The following VWF variants were observed in gnomAD, a reference collection of about 807,000 sequenced individuals.
VWF encodes Factor VIII related antigen.
VWF carries 176 observed loss-of-function variants against 308.6 expected under a neutral mutation model. The observed-to-expected ratio is 0.57, with a 90% CI of 0.50 to 0.65. The LOEUF is 0.65. VWF is among the 30% of genes least tolerant of loss of function. The probability of loss-of-function intolerance (pLI) is 0.00; values close to 1 mark genes in which losing one functional copy is unlikely to be tolerated. For missense variants in VWF, 3,146 were observed against 3,648.2 expected (o/e 0.86, Z 3.55); for synonymous variants, 1,385 against 1,443.4 (o/e 0.96, Z 0.92).
chr12:6,071,342 T>C lies in VWF; in HGVS notation c.1111A>G (p.Ile371Val), dbSNP rs1472685902. ...TSLSRDCNTC[I>V]CRNSQWICSN... ...CAGATCCACTGGCTGTTTCGGCAAA[T>C]GCTGTTGGAGGGAAAAAGCACAGGT... The change falls in exon 10 of 52, where the codon ATT becomes GTT. Residue 371 changes from isoleucine to valine, a missense_variant and splice_region_variant. By Grantham distance (29) the Ile-to-Val change is conservative. This residue lies in a region of VWF where 1,304 missense variants were observed against 1,353.0 expected (regional missense o/e 0.96). Coordinates refer to ENST00000261405, the MANE Select transcript of VWF (RefSeq NM_000552.5). 23 of 1,614,136 alleles carry C rather than the reference T, an allele frequency of 1.4e-5. No individual in the cohort carries two copies. Among genetic ancestry groups the C allele is most frequent in the Non-Finnish European group, 1.9e-5 (23 of 1,180,014 alleles).
chr12:6,045,715 T>C (rs1218363479), intron 17 of VWF, among the ~76,000 whole-genome samples: 1 of 152,164 alleles, frequency 6.6e-6, no homozygotes, highest in Non-Finnish European at 1.5e-5. Flanking sequence ...CTGGGTCCCT[T>C]GGACAGAAGG....
At position 6,056,953 on chromosome 12, in the gene VWF, C is replaced by G. The variant is rs1335888900; in HGVS notation, c.1849G>C (p.Asp617His). 1.6e-5 allele frequency: 24 copies of G among 1,538,340 alleles called. No individual in the cohort carries two copies. Among genetic ancestry groups the G allele is most frequent in the African/African-American group, 6.9e-5 (5 of 72,986 alleles). ...GCGCCGCACAGGCACTCGCGGCCGT[C>G]CGAGCAGGAGCACACGTCGTAGCGG... The part of the protein sequence containing the change: ...NCRYDVCSCS[D>H]GRECLCGALA... Residue 617 changes from aspartate to histidine, a missense_variant, in exon 15 of 52, where the codon GAC becomes CAC. Coordinates refer to ENST00000261405, the MANE Select transcript of VWF (RefSeq NM_000552.5).
In VWF at chr12:6,041,441, T is replaced by TA. The variant is rs777198524; in HGVS notation, c.2442+2849dup. ...CAAAACTCCGTCTCAAAAAAATTTT[T>TA]AAAAAAAAAAGAAATTTTTTTTTTT... On this transcript the variant is annotated intron_variant, in intron 18 of 51. Transcript: ENST00000261405. Among the ~76,000 whole-genome samples, 6 of 149,246 alleles carry TA rather than the reference T, an allele frequency of 4.0e-5. No homozygotes were observed. In the East Asian group the frequency reaches 6.0e-4, roughly 15 times the overall value.
chr12:6,058,390 A>G lies in VWF; in HGVS notation c.1534-346T>C, dbSNP rs548105954. On this transcript the variant is annotated intron_variant, in intron 13 of 51. Coordinates refer to ENST00000261405, the MANE Select transcript of VWF (RefSeq NM_000552.5). This position sits in a 1 kb window ranked among gnomAD's most constrained non-coding sequence, Gnocchi z 4.9. ...AGGTAGTGGCGGAGCTAGGGTGAGTAGGCAGGTTGAGCCCAGCCCGAAGCA... is the reference window on the plus strand; with the variant it reads ...AGGTAGTGGCGGAGCTAGGGTGAGTGGGCAGGTTGAGCCCAGCCCGAAGCA... Among the ~76,000 whole-genome samples, 80 of 152,304 alleles carry G rather than the reference A, an allele frequency of 5.3e-4. No homozygotes were observed. Among genetic ancestry groups the G allele is most frequent in the Admixed American group, 2.0e-3 (31 of 15,302 alleles).
At chr12:5,976,370 T>G in intron 42 of VWF, 110 bp from the exon 43 acceptor site, 1 of 1,422,768 alleles carries the variant, frequency 7.0e-7, no homozygotes, top group Non-Finnish European at 9.8e-7. Context: ...TGGCAATAAA[T>G]AAAACCAAAT....
intron 20 of VWF, among the ~76,000 whole-genome samples, chr12:6,033,786 T>C (rs747295490): frequency 3.3e-5 from 5 of 152,206 alleles, no homozygotes; most frequent in Non-Finnish European, 7.3e-5. Context: ...GCTGCCTGAC[T>C]CACCAGCTCC....
chr12:6,087,826 G>T (rs1024896561), intron 6 of VWF, among the ~76,000 whole-genome samples: 2 of 152,110 alleles, frequency 1.3e-5, no homozygotes, highest in Admixed American at 6.6e-5. Flanking sequence ...TTGATGAAAA[G>T]AAATTTCTTC....
chr12:6,077,560 T>C (rs1331577618), intron 6 of VWF, among the ~76,000 whole-genome samples: 1 of 152,160 alleles, frequency 6.6e-6, no homozygotes, highest in African/African-American at 2.4e-5. Context: ...CGGTGGGGAC[T>C]TAGGCAAATC....
At position 6,073,791 on chromosome 12, in the gene VWF, A is replaced by G. The variant is rs771098194; in HGVS notation, c.875-50T>C. ...TACCCAGGGCAGGTCCCACCGGTGC[A>G]TCATCTCACCAGCCATGCCACAGCC... On this transcript the variant is annotated intron_variant, in intron 7 of 51. Transcript: ENST00000261405. The G allele has an allele frequency of 5.6e-6, 9 of 1,611,824 alleles. No individual in the cohort carries two copies. In the South Asian group the frequency reaches 8.8e-5, roughly 16 times the overall value.
chr12:6,021,688 C>G (rs1944130582), intron 27 of VWF: 2 of 598,500 alleles, frequency 3.3e-6, no homozygotes, highest in Admixed American at 6.1e-5. Context: ...AGGAAGCAGT[C>G]TAGTCCATCC....
At chr12:6,014,449 G>T (rs1468607202) in intron 31 of VWF, among the ~76,000 whole-genome samples, 1 of 152,166 alleles carries the variant, frequency 6.6e-6, no homozygotes, top group Non-Finnish European at 1.5e-5. Context: ...AGATGATGGG[G>T]ACTCGGATTG....
At chr12:6,065,109 G>C in intron 11 of VWF, 28 bp downstream of exon 11, 1 of 1,613,936 alleles carries the variant, frequency 6.2e-7, no homozygotes. Context: ...GCTACCACCC[G>C]ACCAGCAGCC....
At chr12:6,105,737 A>G (rs1339785208) in intron 5 of VWF, among the ~76,000 whole-genome samples, 1 of 152,142 alleles carries the variant, frequency 6.6e-6, no homozygotes, top group Non-Finnish European at 1.5e-5. Flanking sequence ...GCCTCTGGGA[A>G]TATACTCAAA....
intron 5 of VWF, among the ~76,000 whole-genome samples, chr12:6,106,468 A>G (rs7306706): frequency 0.6 from 90,758 of 152,088 alleles, 30,118 homozygotes; most frequent in African/African-American, 0.89. Flanking sequence ...AATGAATATA[A>G]AGTTTCAGTT....
intron 5 of VWF, among the ~76,000 whole-genome samples, chr12:6,106,194 G>T (rs1304038992): frequency 6.6e-6 from 1 of 152,182 alleles, no homozygotes; most frequent in Non-Finnish European, 1.5e-5. Flanking sequence ...CGGTCTGTAT[G>T]CACAATGAAA....
chr12:5,989,228 A>C (rs896779927), intron 38 of VWF, among the ~76,000 whole-genome samples: 2 of 152,224 alleles, frequency 1.3e-5, no homozygotes, highest in Admixed American at 1.3e-4. Context: ...TCACCTCTTT[A>C]GACTCTGTTT....
chr12:6,052,906 T>C (rs2136450002), intron 15 of VWF, 123 bp from the exon 16 acceptor site: 1 of 1,381,610 alleles, frequency 7.2e-7, no homozygotes. Flanking sequence ...TTTATTGAGA[T>C]AATTGTAGAC....
At chr12:5,986,622 T>C (rs1170645855) in intron 38 of VWF, among the ~76,000 whole-genome samples, 1 of 152,144 alleles carries the variant, frequency 6.6e-6, no homozygotes, top group African/African-American at 2.4e-5. Context: ...CAAAGTGCCC[T>C]GCCCTCCTTC....
At chr12:6,103,706 C>T (rs1183544082) in intron 5 of VWF, among the ~76,000 whole-genome samples, 1 of 151,604 alleles carries the variant, frequency 6.6e-6, no homozygotes, top group Non-Finnish European at 1.5e-5. Flanking sequence ...AACTGGATTG[C>T]CATATGCAGA....
Sources: gnomAD v4.1 joint callset for allele counts (sites outside exome capture counted in the v4.1 genomes callset) on GRCh38, gnomAD v4.1.1 for gene constraint, gnomAD v4.1.1 regional missense constraint, Gnocchi (gnomAD v3.1) non-coding constraint, MANE v1.5 for transcripts, NCBI Gene and HGNC (gene_info 2026-07-23, HGNC 2026-07-21) for gene names.